ADARB2: variants seen among roughly 807,000 people sequenced by gnomAD.
ADARB2 encodes the protein inactive double-stranded RNA-specific editase B2.
Under a neutral mutation model 62.2 loss-of-function variants are expected in ADARB2, and 25 were observed. That is an observed-to-expected ratio of 0.40 (90% CI 0.29 to 0.56). The LOEUF (loss-of-function observed/expected upper bound fraction) is 0.56, where lower values mean the gene tolerates loss of function less well. Ranked by LOEUF, ADARB2 falls within the 20% of genes least tolerant of loss-of-function variation. The probability of loss-of-function intolerance (pLI) is 0.43; values close to 1 mark genes in which losing one functional copy is unlikely to be tolerated. For missense variants in ADARB2, 1,071 were observed against 1,077.4 expected (o/e 0.99, Z 0.08); for synonymous variants, 572 against 500.8 (o/e 1.14, Z -1.90).
intron 1 of ADARB2, among the ~76,000 whole-genome samples, chr10:1,380,696 C>T (rs1832475487): frequency 6.6e-6 from 1 of 152,192 alleles, no homozygotes; most frequent in South Asian, 2.1e-4. Flanking sequence ...CAATAAATAA[C>T]TCAAATATAA....
chr10:1,524,742 C>T (rs908627973), intron 1 of ADARB2, among the ~76,000 whole-genome samples: 4 of 152,052 alleles, frequency 2.6e-5, no homozygotes, highest in Admixed American at 6.5e-5. Flanking sequence ...TGCACACGCG[C>T]GTGTGTTCAT....
At chr10:1,258,511 TAAAACAGTCTTTAAACCAACAAAGATCAA>T (rs1274601698) in intron 4 of ADARB2, among the ~76,000 whole-genome samples, 1 of 152,076 alleles carries the variant, frequency 6.6e-6, no homozygotes, top group Non-Finnish European at 1.5e-5. Context: ...TAGTCTCTAA[TAAAACAGTCTTTAAACCAACAAAGATCAA>T]AAGAGACAAA....
intron 1 of ADARB2, among the ~76,000 whole-genome samples, chr10:1,655,325 C>T (rs879701331): frequency 4.6e-5 from 7 of 152,162 alleles, no homozygotes; most frequent in South Asian, 2.1e-4. Context: ...TCTAAGGGGA[C>T]GTGGCAGGTT....
intron 3 of ADARB2, among the ~76,000 whole-genome samples, chr10:1,318,824 A>G (rs976950743): frequency 4.6e-5 from 7 of 152,296 alleles, no homozygotes; most frequent in Admixed American, 1.3e-4. Context: ...TGGAGAAAGC[A>G]TCTCTCAGAT....
chr10:1,597,104 A>G (rs1833346103), intron 1 of ADARB2, among the ~76,000 whole-genome samples: 1 of 152,230 alleles, frequency 6.6e-6, no homozygotes, highest in Non-Finnish European at 1.5e-5. Context: ...GAATAATTAT[A>G]CATTATGCTG....
intron 6 of ADARB2, among the ~76,000 whole-genome samples, chr10:1,221,430 AT>A (rs1418882710): frequency 6.7e-6 from 1 of 149,770 alleles, no homozygotes; most frequent in African/African-American, 2.5e-5. Flanking sequence ...TATTATTATT[AT>A]TATACTTTAA....
At chr10:1,481,607 T>TC (rs1334737017) in intron 1 of ADARB2, among the ~76,000 whole-genome samples, 2 of 132,528 alleles carry the variant, frequency 1.5e-5, no homozygotes, top group African/African-American at 5.4e-5. Flanking sequence ...GCACAGTGGC[T>TC]CACGCATCAT....
chr10:1,423,416 G>A (rs1467574903), intron 1 of ADARB2, among the ~76,000 whole-genome samples: 1 of 152,216 alleles, frequency 6.6e-6, no homozygotes, highest in East Asian at 1.9e-4. Flanking sequence ...CCTTGAGCCT[G>A]CAGCCACCTT....
At chr10:1,712,166 G>T (rs371293721) in intron 1 of ADARB2, among the ~76,000 whole-genome samples, 37 of 152,290 alleles carry the variant, frequency 2.4e-4, no homozygotes, top group South Asian at 1.9e-3. Flanking sequence ...AATTCGTGCA[G>T]GAAACTTCCT....
At chr10:1,220,831 T>A (rs964122029) in intron 6 of ADARB2, among the ~76,000 whole-genome samples, 10 of 152,224 alleles carry the variant, frequency 6.6e-5, no homozygotes, top group African/African-American at 2.4e-4. Flanking sequence ...GTTAATGCCA[T>A]GACAACAGGG....
At position 1,245,303 on chromosome 10, in the gene ADARB2, ATTT is replaced by A. The variant is rs537996073; in HGVS notation, c.1193-3007_1193-3005del. On this transcript the variant is annotated intron_variant, in intron 4 of 9. Transcript: ENST00000381312. ...CACATTACAAATGAGAAATAGGAAGATTTTTATTTATTTACTTATTTTTTGTTT... is the reference window on the plus strand; with the variant it reads ...CACATTACAAATGAGAAATAGGAAGATTATTTATTTACTTATTTTTTGTTT... 2.6e-5 allele frequency among the ~76,000 whole-genome samples: 4 copies of A among 152,018 alleles called. No individual in the cohort carries two copies. The East Asian group carries it at 7.7e-4, about 29-fold the overall frequency.
At chr10:1,378,770 G>A (rs1832456611) in intron 2 of ADARB2, among the ~76,000 whole-genome samples, 1 of 152,180 alleles carries the variant, frequency 6.6e-6, no homozygotes, top group Non-Finnish European at 1.5e-5. Flanking sequence ...GGTTACAGTA[G>A]GACTCCAGGT....
At chr10:1,528,384 T>C (rs1022494764) in intron 1 of ADARB2, among the ~76,000 whole-genome samples, 3 of 152,238 alleles carry the variant, frequency 2.0e-5, no homozygotes, top group Admixed American at 6.5e-5. Flanking sequence ...GTAACTGATC[T>C]GACAGTGCAC....
At chr10:1,287,930 A>C (rs1255785859) in intron 3 of ADARB2, among the ~76,000 whole-genome samples, 1 of 152,198 alleles carries the variant, frequency 6.6e-6, no homozygotes, top group African/African-American at 2.4e-5. Flanking sequence ...TGACACAAAC[A>C]TTGTCCTCGT....
At chr10:1,410,334 G>A (rs557449757) in intron 1 of ADARB2, among the ~76,000 whole-genome samples, 158 of 152,090 alleles carry the variant, frequency 1.0e-3, no homozygotes, top group African/African-American at 3.7e-3. Context: ...GATTGTCAGT[G>A]GTGCTGAGGC....
chr10:1,322,322 A>G (rs981641197), intron 3 of ADARB2, among the ~76,000 whole-genome samples: 4 of 152,224 alleles, frequency 2.6e-5, no homozygotes, highest in African/African-American at 9.6e-5. Flanking sequence ...CAGGCTTCAG[A>G]GCAAGGTGGA....
intron 1 of ADARB2, among the ~76,000 whole-genome samples, chr10:1,440,463 C>T (rs1588259074): frequency 6.7e-6 from 1 of 150,318 alleles, no homozygotes; most frequent in East Asian, 2.0e-4. Context: ...CTGGTAGCAT[C>T]TGGCTCAGAG....
intron 8 of ADARB2, among the ~76,000 whole-genome samples, chr10:1,194,468 A>G (rs1418332224): frequency 6.6e-6 from 1 of 152,186 alleles, no homozygotes; most frequent in Non-Finnish European, 1.5e-5. Flanking sequence ...ATAAATATCT[A>G]TCAATCTCTA....
chr10:1,244,695 T>C (rs951926716), intron 4 of ADARB2, among the ~76,000 whole-genome samples: 1 of 151,986 alleles, frequency 6.6e-6, no homozygotes, highest in African/African-American at 2.4e-5. Flanking sequence ...AGATGTCGTA[T>C]GAGAAATGTC....
Sources: gnomAD v4.1 joint callset for allele counts (sites outside exome capture counted in the v4.1 genomes callset) on GRCh38, gnomAD v4.1.1 for gene constraint, MANE v1.5 for transcripts, NCBI Gene and HGNC (gene_info 2026-07-23, HGNC 2026-07-21) for gene names.